The following AS3MT variants were observed in gnomAD, a reference collection of about 807,000 sequenced individuals.
AS3MT encodes S-adenosyl-L-methionine:arsenic(III) methyltransferase.
AS3MT carries 47 observed loss-of-function variants against 45.3 expected under a neutral mutation model. That is an observed-to-expected ratio of 1.04 (90% CI 0.82 to 1.32). The LOEUF (loss-of-function observed/expected upper bound fraction) is 1.32, where lower values mean the gene tolerates loss of function less well. Among genes scored for constraint, AS3MT ranks in the 40% most tolerant of loss-of-function variants. The pLI is 0.00. For missense variants in AS3MT, 396 were observed against 451.1 expected, an observed-to-expected ratio of 0.88 and a Z score of 1.11; for synonymous variants, 141 against 152.8, an observed-to-expected ratio of 0.92 and a Z score of 0.57.
chr10:102,898,664 T>C (rs1590233289), intron 10 of AS3MT, among the ~76,000 whole-genome samples: 1 of 152,232 alleles, frequency 6.6e-6, no homozygotes, highest in African/African-American at 2.4e-5. Flanking sequence ...ACTGTCTTAA[T>C]AGTAATGGTA....
chr10:102,882,277 C>A (rs1455571027), intron 9 of AS3MT, among the ~76,000 whole-genome samples: 1 of 152,068 alleles, frequency 6.6e-6, no homozygotes, highest in Non-Finnish European at 1.5e-5. Context: ...GTCTTGAACT[C>A]CTGGCCTCAA....
chr10:102,883,905 A>C (rs1456669819), intron 9 of AS3MT, among the ~76,000 whole-genome samples: 1 of 150,940 alleles, frequency 6.6e-6, no homozygotes, highest in South Asian at 2.1e-4. Flanking sequence ...TCACATACTC[A>C]CCATTTATTT....
intron 9 of AS3MT, chr10:102,888,155 C>T (rs1285784764): frequency 6.4e-6 from 1 of 155,594 alleles, no homozygotes; most frequent in African/African-American, 2.4e-5. Context: ...TGGGTACAGT[C>T]AAGAGTGAAC....
rs772625230 is a variant in AS3MT, at chr10:102,869,809, T to G, written c.6T>G (p.Ala2=). The G allele has an allele frequency of 6.2e-7, 1 of 1,614,138 alleles. No homozygotes were observed. The highest frequency in any genetic ancestry group is 8.5e-7 in the Non-Finnish European group (1 of 1,180,038). ...TAACTTTCCCGCTCCCGACAGTGGCTGCACTTCGTGACGCTGAGATACAGA... is the reference window on the plus strand; with the variant it reads ...TAACTTTCCCGCTCCCGACAGTGGCGGCACTTCGTGACGCTGAGATACAGA... M[A]ALRDAEIQKD... Residue 2 remains alanine (A), a synonymous_variant, in exon 2 of 11, where the codon GCT becomes GCG. Coordinates refer to ENST00000369880, the MANE Select transcript of AS3MT (RefSeq NM_020682.4).
intron 9 of AS3MT, among the ~76,000 whole-genome samples, chr10:102,889,614 G>GCCTTCCTTCCTTCCTTCCTT (rs1554884643): frequency 2.6e-5 from 3 of 114,050 alleles, no homozygotes; most frequent in East Asian, 3.4e-4. Context: ...CTGTCTGCCT[G>GCCTTCCTTCCTTCCTTCCTT]CCTTCCTTCC....
At chr10:102,875,302 C>A (rs1435795065) in intron 6 of AS3MT, among the ~76,000 whole-genome samples, 1 of 151,936 alleles carries the variant, frequency 6.6e-6, no homozygotes, top group Non-Finnish European at 1.5e-5. Flanking sequence ...CATGGAGAAA[C>A]TCTGTCTCTA....
At chr10:102,891,348 C>T (rs1845068317) in intron 10 of AS3MT, among the ~76,000 whole-genome samples, 2 of 152,302 alleles carry the variant, frequency 1.3e-5, no homozygotes, top group Admixed American at 6.5e-5. Flanking sequence ...AGCTATTATA[C>T]CTGCTTTAAC....
At chr10:102,874,761 A>C (rs759270901) in intron 6 of AS3MT, 100 bp downstream of exon 6, 48 of 891,302 alleles carry the variant, frequency 5.4e-5, no homozygotes, top group Non-Finnish European at 7.9e-5. Flanking sequence ...AAACTCTCTT[A>C]ATTTATCCAT....
intron 7 of AS3MT, 45 bp downstream of exon 7, chr10:102,877,080 A>C (rs746130054): frequency 8.3e-6 from 13 of 1,567,164 alleles, no homozygotes; most frequent in South Asian, 3.3e-5. Flanking sequence ...ATGGTTGTAC[A>C]TGTGCAGAAC....
intron 9 of AS3MT, among the ~76,000 whole-genome samples, chr10:102,888,867 A>AT (rs1564794449): frequency 1.0e-4 from 9 of 88,644 alleles, no homozygotes; most frequent in Non-Finnish European, 1.8e-4. Context: ...ATATATATAT[A>AT]TATATATATA....
intron 8 of AS3MT, 36 bp from the exon 9 acceptor site, chr10:102,878,813 T>C (rs897394438): frequency 6.2e-7 from 1 of 1,600,704 alleles, no homozygotes; most frequent in Non-Finnish European, 8.5e-7. Context: ...ACTGGGGGAG[T>C]GCTGGAGATG....
chr10:102,878,765 A>G, intron 8 of AS3MT, 84 bp from the exon 9 acceptor site: 1 of 1,499,564 alleles, frequency 6.7e-7, no homozygotes, highest in Admixed American at 2.1e-5. Flanking sequence ...AATCATCTTT[A>G]TAACGTGTTT....
At chr10:102,885,508 T>TCACA (rs1564793629) in intron 9 of AS3MT, among the ~76,000 whole-genome samples, 47 of 16,782 alleles carry the variant, frequency 2.8e-3, no homozygotes, top group Non-Finnish European at 3.6e-3. Context: ...TTTTTTTTTT[T>TCACA]TTTTTTTTTT....
chr10:102,889,614 G>GCCTGCCTGCCTGCCTGCCTGCCTT (rs559139049), intron 9 of AS3MT, among the ~76,000 whole-genome samples: 232 of 113,946 alleles, frequency 2.0e-3, no homozygotes, highest in East Asian at 7.2e-3. Context: ...CTGTCTGCCT[G>GCCTGCCTGCCTGCCTGCCTGCCTT]CCTTCCTTCC....
intron 9 of AS3MT, among the ~76,000 whole-genome samples, chr10:102,890,162 G>A (rs1470827325): frequency 3.1e-5 from 4 of 129,478 alleles, no homozygotes; most frequent in Non-Finnish European, 5.1e-5. Flanking sequence ...CACTATGTCC[G>A]GCTAATTTTT....
intron 10 of AS3MT, among the ~76,000 whole-genome samples, chr10:102,890,966 G>C (rs1366864816): frequency 6.6e-6 from 1 of 152,178 alleles, no homozygotes; most frequent in Admixed American, 6.6e-5. Flanking sequence ...ACCTGCCTCA[G>C]TCTCCCAAAG....
chr10:102,886,575 C>G (rs1461101166), intron 9 of AS3MT, among the ~76,000 whole-genome samples: 2 of 152,060 alleles, frequency 1.3e-5, no homozygotes, highest in Non-Finnish European at 2.9e-5. Context: ...GCCTCAGCCT[C>G]CCAAAGTTCT....
intron 9 of AS3MT, among the ~76,000 whole-genome samples, chr10:102,889,266 A>G (rs1845020196): frequency 6.6e-6 from 1 of 152,024 alleles, no homozygotes; most frequent in African/African-American, 2.4e-5. Context: ...TTTGGTAACT[A>G]TCAATATACT....
intron 6 of AS3MT, 78 bp from the exon 7 acceptor site, chr10:102,876,876 C>T: frequency 7.3e-7 from 1 of 1,377,710 alleles, no homozygotes; most frequent in Non-Finnish European, 1.0e-6. Flanking sequence ...TGATTTTGTT[C>T]CCCTATTCCT....
Sources: allele counts gnomAD v4.1 joint callset (sites outside exome capture counted in the v4.1 genomes callset), GRCh38; gene constraint gnomAD v4.1.1; transcripts MANE v1.5; gene names NCBI Gene and HGNC (gene_info 2026-07-23, HGNC 2026-07-21).